The following ALG9 variants were observed in gnomAD, a reference collection of about 807,000 sequenced individuals.
The protein encoded by ALG9 is alpha-1,2-mannosyltransferase ALG9.
ALG9 carries 55 observed loss-of-function variants against 81.8 expected under a neutral mutation model. The observed-to-expected ratio is 0.67, with a 90% CI of 0.54 to 0.84. ALG9 has a LOEUF of 0.84. Among genes scored for constraint, ALG9 ranks in the 40% least tolerant of loss-of-function variants. The probability of loss-of-function intolerance (pLI) is 0.00; values close to 1 mark genes in which losing one functional copy is unlikely to be tolerated. For synonymous variants in ALG9, 278 were observed against 274.3 expected (o/e 1.01, Z -0.13); for missense variants, 629 against 745.0 (o/e 0.84, Z 1.81).
chr11:111,806,584 T>TCGTCC (rs1231542956), intron 14 of ALG9, among the ~76,000 whole-genome samples: 1 of 152,134 alleles, frequency 6.6e-6, no homozygotes, highest in Non-Finnish European at 1.5e-5. Context: ...CTCCCTAATC[T>TCGTCC]CTACACACTG....
intron 14 of ALG9, chr11:111,805,336 T>C (rs1949758219): frequency 4.4e-6 from 2 of 455,922 alleles, no homozygotes; most frequent in Non-Finnish European, 8.8e-6. Flanking sequence ...TAAACGTTTG[T>C]TGTTTAAGCC....
rs1290705708 is a variant in ALG9, at chr11:111,871,346, A to T, written c.131+6T>A. 26 of 1,519,452 alleles carry T rather than the reference A, an allele frequency of 1.7e-5. No homozygotes were observed. The East Asian group carries it at 1.8e-4, about 10-fold the overall frequency. 94.1% of individuals were successfully genotyped at this position (1,519,452 alleles called of 1,614,324 possible). A position where few individuals can be genotyped will look rare whatever the true frequency, so the allele number is the denominator to read the frequency against. ...CGGCCACGCCCCTGCCGCGCCGCAC[A>T]CGTACTCGGTCCGGTGCTCCGCGCC... On this transcript the variant is annotated splice_donor_region_variant and intron_variant, in intron 1 of 14. Transcript: ENST00000616540.
At position 111,838,476 on chromosome 11, in the gene ALG9, A is replaced by G. The variant is rs1955694466; in HGVS notation, c.1174-77T>C. On this transcript the variant is annotated intron_variant, in intron 10 of 14. Coordinates refer to ENST00000616540, the MANE Select transcript of ALG9 (RefSeq NM_024740.2). ...AGTAACATCAAGAGCGAAGCCAAAA[A>G]AGAGGTTCTATTAGGGATCTGAGCA... 3 of 1,346,212 alleles carry G rather than the reference A, an allele frequency of 2.2e-6. No homozygotes were observed. In the Admixed American group the frequency reaches 6.1e-5, roughly 27 times the overall value. The allele number at this position is 1,346,212 out of a possible 1,614,324, so 83.4% of individuals were successfully genotyped here.
chr11:111,808,258 C>T (rs1278773860), intron 14 of ALG9, among the ~76,000 whole-genome samples: 1 of 152,102 alleles, frequency 6.6e-6, no homozygotes, highest in Non-Finnish European at 1.5e-5. Context: ...CTTTACTGCC[C>T]TCCTCTCCCC....
intron 5 of ALG9, among the ~76,000 whole-genome samples, chr11:111,858,981 G>T (rs1333843869): frequency 6.6e-6 from 1 of 152,116 alleles, no homozygotes; most frequent in East Asian, 1.9e-4. Context: ...AAGGTGTGGG[G>T]GGCTGCTTGA....
At chr11:111,835,655 T>C (rs1223934576) in intron 13 of ALG9, among the ~76,000 whole-genome samples, 1 of 152,230 alleles carries the variant, frequency 6.6e-6, no homozygotes, top group Non-Finnish European at 1.5e-5. Context: ...AATTAAATTA[T>C]ACATTTTACA....
At chr11:111,779,249 G>T (rs113133468), downstream of ALG9, among the ~76,000 whole-genome samples, 976 of 152,196 alleles carry the variant, frequency 6.4e-3, 10 homozygotes, top group African/African-American at 0.022. Flanking sequence ...AACCAAAAAC[G>T]CACGCCCTTC....
intron 13 of ALG9, among the ~76,000 whole-genome samples, chr11:111,814,157 A>G (rs1555094585): frequency 6.6e-6 from 1 of 152,258 alleles, no homozygotes; most frequent in African/African-American, 2.4e-5. Context: ...AAATTGTGGT[A>G]AAGTCATACA....
intron 13 of ALG9, among the ~76,000 whole-genome samples, chr11:111,820,505 T>G (rs1281995862): frequency 3.3e-5 from 5 of 152,192 alleles, no homozygotes; most frequent in African/African-American, 1.2e-4. Flanking sequence ...GGCATTAATC[T>G]ATTCATGAGG....
chr11:111,795,778 T>C (rs1314301207), intron 14 of ALG9, among the ~76,000 whole-genome samples: 1 of 152,224 alleles, frequency 6.6e-6, no homozygotes, highest in Non-Finnish European at 1.5e-5. Context: ...TCATAACCTT[T>C]TGATCAGTCA....
intron 9 of ALG9, among the ~76,000 whole-genome samples, chr11:111,843,285 T>G (rs1239450915): frequency 6.6e-6 from 1 of 152,226 alleles, no homozygotes; most frequent in Non-Finnish European, 1.5e-5. Context: ...GATGGGGGTC[T>G]TCTTAAAAAG....
At chr11:111,839,659 G>A (rs1955914183) in intron 10 of ALG9, among the ~76,000 whole-genome samples, 1 of 151,056 alleles carries the variant, frequency 6.6e-6, no homozygotes, top group Non-Finnish European at 1.5e-5. Context: ...AACAAACCTT[G>A]GTATATGATA....
In ALG9 at chr11:111,833,385, T is replaced by C. The variant is rs151253438; in HGVS notation, c.1602+2780A>G. 3.6e-3 allele frequency among the ~76,000 whole-genome samples: 548 copies of C among 152,306 alleles called. 3 individuals carry two copies. The highest frequency in any genetic ancestry group is 5.9e-3 in the Non-Finnish European group (402 of 68,030). ...AGATATTCAATAGCTACTCAATACC[T>C]ACCATGAAAAAATATGCAGCAAAAA... On this transcript the variant is annotated intron_variant, in intron 13 of 14. Transcript: ENST00000616540.
At chr11:111,843,717 T>C (rs1956555831) in intron 9 of ALG9, among the ~76,000 whole-genome samples, 1 of 151,826 alleles carries the variant, frequency 6.6e-6, no homozygotes, top group Admixed American at 6.6e-5. Context: ...CCACGACAAC[T>C]TGAGAAAACA....
intron 13 of ALG9, among the ~76,000 whole-genome samples, chr11:111,831,033 T>C (rs1954271159): frequency 1.3e-5 from 2 of 151,610 alleles, no homozygotes; most frequent in African/African-American, 4.8e-5. Flanking sequence ...TAGCTAGGGG[T>C]AGTGGCTAAT....
intron 13 of ALG9, among the ~76,000 whole-genome samples, chr11:111,835,930 T>C (rs996113648): frequency 1.4e-4 from 22 of 152,130 alleles, no homozygotes; most frequent in African/African-American, 5.1e-4. Flanking sequence ...TTTTAATTTT[T>C]TGTAGAAATG....
In ALG9 at chr11:111,808,455, G is replaced by C. The variant is rs1262466416; in HGVS notation, c.1733+1188C>G. Reference sequence around the variant, plus strand: ...CCTTCCTGCTAGTCCAGCTCTAATTGAACTCACTCAGAACAACTGGATTCT... The same window carrying C: ...CCTTCCTGCTAGTCCAGCTCTAATTCAACTCACTCAGAACAACTGGATTCT... On this transcript the variant is annotated intron_variant, in intron 14 of 14. Transcript: ENST00000616540. Among the ~76,000 whole-genome samples the C allele has an allele frequency of 3.9e-5, 6 of 152,142 alleles. No individual in the cohort carries two copies. In the East Asian group the frequency reaches 1.2e-3, roughly 29 times the overall value.
intron 14 of ALG9, among the ~76,000 whole-genome samples, chr11:111,808,080 G>T (rs1005367713): frequency 6.6e-6 from 1 of 152,104 alleles, no homozygotes; most frequent in Non-Finnish European, 1.5e-5. Context: ...AAAAATTTTT[G>T]TTGCTGTTGT....
intron 13 of ALG9, chr11:111,828,729 T>C (rs946258773): frequency 1.3e-5 from 2 of 152,192 alleles, no homozygotes; most frequent in African/African-American, 4.8e-5. Flanking sequence ...ACCACAGATC[T>C]TCTTGGTAGG....
Sources: gnomAD v4.1 joint callset for allele counts (sites outside exome capture counted in the v4.1 genomes callset) on GRCh38, gnomAD v4.1.1 for gene constraint, MANE v1.5 for transcripts, NCBI Gene and HGNC (gene_info 2026-07-23, HGNC 2026-07-21) for gene names.